CSMD1: variants seen among roughly 807,000 people sequenced by gnomAD.
CSMD1 encodes the protein CUB and sushi domain-containing protein 1.
Under a neutral mutation model 417.5 loss-of-function variants are expected in CSMD1, and 213 were observed. That is an observed-to-expected ratio of 0.51 (90% CI 0.46 to 0.57). CSMD1 has a LOEUF of 0.57. Ranked by LOEUF, CSMD1 falls within the 20% of genes least tolerant of loss-of-function variation. CSMD1 has a pLI of 0.00. For missense variants in CSMD1, 6,923 were observed against 4,529.7 expected (o/e 1.53, Z -15.17); for synonymous variants, 2,862 against 1,736.8 (o/e 1.65, Z -16.11).
At chr8:4,296,050 G>A (rs535349491) in intron 3 of CSMD1, among the ~76,000 whole-genome samples, 5 of 152,056 alleles carry the variant, frequency 3.3e-5, no homozygotes, top group Non-Finnish European at 4.4e-5. Flanking sequence ...TTGCAAAAAA[G>A]ACTGAAGGAG....
intron 46 of CSMD1, among the ~76,000 whole-genome samples, chr8:3,101,799 C>CTTTTTTTT (rs530061255): frequency 2.1e-4 from 22 of 106,328 alleles, no homozygotes; most frequent in African/African-American, 6.1e-4. Context: ...CTTTCTTTTT[C>CTTTTTTTT]TTTTTTTTTT....
intron 3 of CSMD1, among the ~76,000 whole-genome samples, chr8:4,051,852 T>C (rs1021933296): frequency 4.4e-5 from 2 of 45,826 alleles, no homozygotes; most frequent in African/African-American, 1.9e-4. Context: ...TTCTTTTCTT[T>C]TCTCTTTCTT....
intron 23 of CSMD1, among the ~76,000 whole-genome samples, chr8:3,337,355 C>T (rs1807333460): frequency 1.3e-5 from 2 of 152,178 alleles, no homozygotes; most frequent in South Asian, 4.1e-4. Context: ...TGAAGCATCC[C>T]TTAGAAGCAA....
At chr8:4,105,759 T>C (rs1334811908) in intron 3 of CSMD1, among the ~76,000 whole-genome samples, 2 of 152,224 alleles carry the variant, frequency 1.3e-5, no homozygotes, top group African/African-American at 2.4e-5. Flanking sequence ...CATAAGCTTA[T>C]TTCTCACTGA....
chr8:4,340,011 C>T (rs1443576396), intron 3 of CSMD1, among the ~76,000 whole-genome samples: 1 of 152,018 alleles, frequency 6.6e-6, no homozygotes, highest in Non-Finnish European at 1.5e-5. Flanking sequence ...ACAACAGAAC[C>T]AGGCACTTCT....
At chr8:4,708,891 A>T (rs938370269) in intron 1 of CSMD1, among the ~76,000 whole-genome samples, 1 of 152,204 alleles carries the variant, frequency 6.6e-6, no homozygotes, top group Non-Finnish European at 1.5e-5. Flanking sequence ...AAACACACAG[A>T]GAGTGACAAT....
intron 5 of CSMD1, among the ~76,000 whole-genome samples, chr8:3,918,372 A>G (rs1808977208): frequency 6.6e-6 from 1 of 152,040 alleles, no homozygotes; most frequent in African/African-American, 2.4e-5. Context: ...ATATATTTTT[A>G]TATAATGGCC....
At chr8:4,177,343 C>T (rs907242625) in intron 3 of CSMD1, among the ~76,000 whole-genome samples, 20 of 152,012 alleles carry the variant, frequency 1.3e-4, no homozygotes, top group Middle Eastern at 3.4e-3. Context: ...GGGTACATAA[C>T]GAAATGACGG....
At chr8:4,139,782 C>T (rs999010918) in intron 3 of CSMD1, among the ~76,000 whole-genome samples, 5 of 151,072 alleles carry the variant, frequency 3.3e-5, no homozygotes, top group Non-Finnish European at 7.3e-5. Context: ...TGTTTGCACA[C>T]TGAGCTCAGT....
intron 3 of CSMD1, among the ~76,000 whole-genome samples, chr8:4,197,318 C>T (rs907004684): frequency 4.6e-5 from 7 of 152,158 alleles, no homozygotes; most frequent in Admixed American, 3.3e-4. Flanking sequence ...TATACAACAA[C>T]CTGACTTGGC....
intron 1 of CSMD1, among the ~76,000 whole-genome samples, chr8:4,793,177 G>A (rs1004733719): frequency 6.6e-6 from 1 of 152,004 alleles, no homozygotes; most frequent in African/African-American, 2.4e-5. Flanking sequence ...CCTTGATCAT[G>A]GAGTAATTAT....
At chr8:4,033,220 C>G (rs574216006) in intron 3 of CSMD1, among the ~76,000 whole-genome samples, 1 of 149,350 alleles carries the variant, frequency 6.7e-6, no homozygotes, top group Non-Finnish European at 1.5e-5. Flanking sequence ...GCAGGAGGAT[C>G]GTGAGGTCAA....
In CSMD1 at chr8:4,994,495, AC is replaced by A. The variant is rs936694989; in HGVS notation, c.-80del. 2.0e-5 allele frequency: 26 copies of A among 1,304,658 alleles called. No individual in the cohort carries two copies. In the African/African-American group the frequency reaches 3.5e-4, roughly 18 times the overall value. 80.8% of individuals were successfully genotyped at this position (1,304,658 alleles called of 1,614,324 possible). ...GGGCTATGAGCGGAGCCAAATAATC[AC>A]CCGAGGGCAAGGCGAGCCGGAGAGA... On this transcript the variant is annotated 5_prime_UTR_variant, in exon 1 of 70. The change creates a premature stop within an existing upstream ORF in the 5' untranslated region. Transcript: ENST00000635120.
chr8:3,873,479 A>G (rs752899421), intron 5 of CSMD1, among the ~76,000 whole-genome samples: 3 of 152,106 alleles, frequency 2.0e-5, no homozygotes, highest in African/African-American at 4.8e-5. Flanking sequence ...CACACGTTCT[A>G]CCTTCTAAGT....
At chr8:3,874,516 G>C (rs752720028) in intron 5 of CSMD1, among the ~76,000 whole-genome samples, 2 of 152,186 alleles carry the variant, frequency 1.3e-5, no homozygotes, top group Non-Finnish European at 2.9e-5. Flanking sequence ...AACACATGCT[G>C]TCGGCGTTCA....
chr8:3,567,046 C>G (rs575976215), intron 10 of CSMD1, among the ~76,000 whole-genome samples: 1 of 152,194 alleles, frequency 6.6e-6, no homozygotes, highest in African/African-American at 2.4e-5. Context: ...CGATGGTAGA[C>G]TGGATAAAGA....
intron 1 of CSMD1, among the ~76,000 whole-genome samples, chr8:4,643,528 AAAAAT>A (rs1307401138): frequency 2.6e-5 from 4 of 152,154 alleles, no homozygotes; most frequent in Non-Finnish European, 4.4e-5. Flanking sequence ...AAAATAAAGA[AAAAAT>A]AAAATAATAT....
intron 1 of CSMD1, among the ~76,000 whole-genome samples, chr8:4,727,201 G>A (rs952541097): frequency 1.3e-5 from 2 of 152,110 alleles, no homozygotes; most frequent in Non-Finnish European, 2.9e-5. Flanking sequence ...AGAAAGGACT[G>A]ATCAATGATG....
At chr8:4,994,179 C>T (rs1374850235) in intron 1 of CSMD1, among the ~76,000 whole-genome samples, 153 bp downstream of exon 1, 1 of 152,060 alleles carries the variant, frequency 6.6e-6, no homozygotes, top group Non-Finnish European at 1.5e-5. Context: ...AGCTCCCTCC[C>T]GTGCATCGCG....
Sources: allele counts gnomAD v4.1 joint callset (sites outside exome capture counted in the v4.1 genomes callset), GRCh38; gene constraint gnomAD v4.1.1; transcripts MANE v1.5; gene names NCBI Gene and HGNC (gene_info 2026-07-23, HGNC 2026-07-21).